The following LRRC8A variants were observed in gnomAD, a reference collection of about 807,000 sequenced individuals.
LRRC8A encodes volume-regulated anion channel subunit LRRC8A.
In LRRC8A, 24 loss-of-function variants were observed where a neutral mutation model predicts 52.5. The ratio of observed to expected loss-of-function variants is 0.46; its 90% CI spans 0.33 to 0.64. LRRC8A has a LOEUF of 0.64. Ranked by LOEUF, LRRC8A falls within the 30% of genes least tolerant of loss-of-function variation. The pLI is 0.02. For missense variants in LRRC8A, 677 were observed against 1,094.7 expected, an observed-to-expected ratio of 0.62 and a Z score of 5.38; for synonymous variants, 492 against 494.2, an observed-to-expected ratio of 1.00 and a Z score of 0.06.
rs1402621043 is a variant in LRRC8A, at chr9:128,902,199, T to C, written c.-8-4958T>C. ...ACCTGAAGCAGAAGTCCCACCTTGA[T>C]CATTTTTTTTTACCCCCGCTGGACC... On this transcript the variant is annotated intron_variant, in intron 2 of 3. Transcript: ENST00000372600. This position sits in a 1 kb window ranked among gnomAD's most constrained non-coding sequence, Gnocchi z 4.1. 6.6e-6 allele frequency among the ~76,000 whole-genome samples: 1 copy of C among 151,784 alleles called. No individual in the cohort carries two copies. Among genetic ancestry groups the C allele is most frequent in the Middle Eastern group, 3.2e-3 (1 of 314 alleles).
intron 2 of LRRC8A, among the ~76,000 whole-genome samples, chr9:128,888,910 G>A (rs750621816): frequency 4.6e-5 from 7 of 152,070 alleles, no homozygotes; most frequent in African/African-American, 7.2e-5. Flanking sequence ...TCTCCTTCCT[G>A]CAGTAGCACC....
Position 128,892,469 on chromosome 9 carries a change from C to A in LRRC8A, c.-9+6348C>A, listed in dbSNP as rs78804291. On this transcript the variant is annotated intron_variant, in intron 2 of 3. Transcript: ENST00000372600. This position sits in a 1 kb window ranked among gnomAD's most constrained non-coding sequence, Gnocchi z 5.2. ...AGGTGAGAGCAGTTTGGAACTGACCCGTGCTCCCCTCCCCCTCCAGCCCTG... is the reference window on the plus strand; with the variant it reads ...AGGTGAGAGCAGTTTGGAACTGACCAGTGCTCCCCTCCCCCTCCAGCCCTG... 6.6e-6 allele frequency among the ~76,000 whole-genome samples: 1 copy of A among 152,160 alleles called. No individual in the cohort carries two copies. Among genetic ancestry groups the A allele is most frequent in the South Asian group, 2.1e-4 (1 of 4,834 alleles).
In LRRC8A at chr9:128,892,059, C is replaced by T. The variant is rs948597860; in HGVS notation, c.-9+5938C>T. Among the ~76,000 whole-genome samples the T allele has an allele frequency of 6.6e-6, 1 of 152,244 alleles. No individual in the cohort carries two copies. Among genetic ancestry groups the T allele is most frequent in the Non-Finnish European group, 1.5e-5 (1 of 68,048 alleles). The stretch of plus-strand genomic sequence containing the variant: ...TATATGGACTGTCTCCTTCTGTCCT[C>T]ATCACAGCCCTCCAAGCAATAGACT... On this transcript the variant is annotated intron_variant, in intron 2 of 3. Coordinates refer to ENST00000372600, the MANE Select transcript of LRRC8A (RefSeq NM_019594.4). This position sits in a 1 kb window ranked among gnomAD's most constrained non-coding sequence, Gnocchi z 5.2.
intron 2 of LRRC8A, among the ~76,000 whole-genome samples, chr9:128,893,761 G>A (rs1839715906): frequency 6.6e-6 from 1 of 152,126 alleles, no homozygotes; most frequent in South Asian, 2.1e-4. Flanking sequence ...TTTAAATAAT[G>A]GAAGAATGTA....
At chr9:128,900,793 T>G (rs1018769714) in intron 2 of LRRC8A, among the ~76,000 whole-genome samples, 1 of 152,188 alleles carries the variant, frequency 6.6e-6, no homozygotes, top group African/African-American at 2.4e-5. Flanking sequence ...CTTAGGAGGC[T>G]GAGGTGGGAG....
At chr9:128,889,012 A>C (rs561925280) in intron 2 of LRRC8A, among the ~76,000 whole-genome samples, 2 of 152,192 alleles carry the variant, frequency 1.3e-5, no homozygotes, top group East Asian at 3.9e-4. Flanking sequence ...CCTTCGCCAC[A>C]GCCTTGCGTG....
intron 2 of LRRC8A, among the ~76,000 whole-genome samples, chr9:128,898,479 A>C (rs945554683): frequency 6.6e-6 from 1 of 151,752 alleles, no homozygotes; most frequent in Non-Finnish European, 1.5e-5. Flanking sequence ...TCCCAACTTA[A>C]CTCTCGAATG....
intron 1 of LRRC8A, among the ~76,000 whole-genome samples, chr9:128,883,207 T>A (rs2066978926): frequency 6.6e-6 from 1 of 152,148 alleles, no homozygotes. Context: ...TCAGGAAGCC[T>A]TTTGAGAATG....
At chr9:128,914,210 GC>G (rs932596805) in intron 3 of LRRC8A, among the ~76,000 whole-genome samples, 39 of 39,590 alleles carry the variant, frequency 9.9e-4, no homozygotes, top group African/African-American at 4.3e-3. Context: ...CCCCGCCCCC[GC>G]CCCCCAAAAA....
intron 2 of LRRC8A, among the ~76,000 whole-genome samples, chr9:128,897,413 A>C (rs1213707395): frequency 2.6e-5 from 4 of 151,376 alleles, no homozygotes; most frequent in African/African-American, 9.7e-5. Context: ...GGATTCCGCC[A>C]TGTTGGCCAG....
chr9:128,904,694 T>A (rs1180649065), intron 2 of LRRC8A, among the ~76,000 whole-genome samples: 1 of 151,856 alleles, frequency 6.6e-6, no homozygotes, highest in Non-Finnish European at 1.5e-5. Flanking sequence ...CAAAAAATTT[T>A]AAAAATTAGC....
intron 2 of LRRC8A, among the ~76,000 whole-genome samples, chr9:128,888,461 A>G (rs2130935876): frequency 6.6e-6 from 1 of 152,112 alleles, no homozygotes; most frequent in South Asian, 2.1e-4. Flanking sequence ...GAACAGGCAG[A>G]CCCTGACTCA....
At chr9:128,895,188 A>C (rs1191986799) in intron 2 of LRRC8A, among the ~76,000 whole-genome samples, 2 of 152,162 alleles carry the variant, frequency 1.3e-5, no homozygotes, top group African/African-American at 2.4e-5. Flanking sequence ...GGGTCACTGC[A>C]TACACATCTA....
At chr9:128,903,061 G>T (rs956398669) in intron 2 of LRRC8A, among the ~76,000 whole-genome samples, 37 of 152,188 alleles carry the variant, frequency 2.4e-4, no homozygotes, top group African/African-American at 8.9e-4. Context: ...AGAGGGACAG[G>T]CCTGCTGGGT....
intron 3 of LRRC8A, among the ~76,000 whole-genome samples, chr9:128,909,999 CAT>C (rs1402299667): frequency 6.6e-6 from 1 of 152,226 alleles, no homozygotes; most frequent in Non-Finnish European, 1.5e-5. Context: ...ACACCTTCGA[CAT>C]ACTTTCAAGA....
At position 128,909,329 on chromosome 9, in the gene LRRC8A, G is replaced by A. The variant is rs757647267; in HGVS notation, c.2157+8G>A. 5.0e-6 allele frequency: 8 copies of A among 1,610,782 alleles called. No homozygotes were observed. Among genetic ancestry groups the A allele is most frequent in the African/African-American group, 1.3e-5 (1 of 75,068 alleles). ...GCCATCACGGCCAACCGGGTGAGTG[G>A]CCCGGCCACAGCTCTGCGTGTGGGC... On this transcript the variant is annotated splice_region_variant and intron_variant, in intron 3 of 3. Coordinates refer to ENST00000372600, the MANE Select transcript of LRRC8A (RefSeq NM_019594.4).
intron 2 of LRRC8A, among the ~76,000 whole-genome samples, chr9:128,898,507 C>T (rs1279084675): frequency 2.0e-5 from 3 of 152,262 alleles, no homozygotes; most frequent in Non-Finnish European, 4.4e-5. Flanking sequence ...CATTCACTCA[C>T]CAGGTGTCTC....
chr9:128,891,576 G>A (rs1839622433), intron 2 of LRRC8A, among the ~76,000 whole-genome samples: 2 of 152,110 alleles, frequency 1.3e-5, no homozygotes, highest in Admixed American at 6.6e-5. Context: ...AAATAAAACG[G>A]CCTGCCTTCT....
chr9:128,894,734 AGTGAGCCAAGACCACACCACT>A, intron 2 of LRRC8A, among the ~76,000 whole-genome samples: 1 of 151,382 alleles, frequency 6.6e-6, no homozygotes, highest in African/African-American at 2.4e-5. Flanking sequence ...TAGAGTTTGC[AGTGAGCCAAGACCACACCACT>A]GTACTCCAGC....
Sources: gnomAD v4.1 joint callset for allele counts (sites outside exome capture counted in the v4.1 genomes callset) on GRCh38, gnomAD v4.1.1 for gene constraint, Gnocchi (gnomAD v3.1) non-coding constraint, MANE v1.5 for transcripts, NCBI Gene and HGNC (gene_info 2026-07-23, HGNC 2026-07-21) for gene names.